LTBP1: variants seen among roughly 807,000 people sequenced by gnomAD.
LTBP1 encodes latent transforming growth factor beta binding protein 1, also known as latent-transforming growth factor beta-binding protein 1.
LTBP1 carries 129 observed loss-of-function variants against 207.6 expected under a neutral mutation model. The ratio of observed to expected loss-of-function variants is 0.62; its 90% CI spans 0.54 to 0.72. LTBP1 has a LOEUF of 0.72. Ranked by LOEUF, LTBP1 falls within the 30% of genes least tolerant of loss-of-function variation. The probability of loss-of-function intolerance (pLI) is 0.00; values close to 1 mark genes in which losing one functional copy is unlikely to be tolerated. For synonymous variants in LTBP1, 963 were observed against 833.7 expected (o/e 1.16, Z -2.67); for missense variants, 2,281 against 2,217.2 (o/e 1.03, Z -0.58).
chr2:33,393,745 T>C (rs1432672111), intron 32 of LTBP1, among the ~76,000 whole-genome samples: 2 of 152,218 alleles, frequency 1.3e-5, no homozygotes, highest in African/African-American at 2.4e-5. Context: ...AGTGCCACAG[T>C]AAGCATACAT....
At chr2:33,386,736 G>A (rs1465735799) in intron 31 of LTBP1, among the ~76,000 whole-genome samples, 2 of 152,030 alleles carry the variant, frequency 1.3e-5, no homozygotes, top group Non-Finnish European at 2.9e-5. Flanking sequence ...GAGGTGAAAG[G>A]ATCGCTTGAG....
chr2:33,394,429 G>A (rs1396101669), intron 32 of LTBP1, among the ~76,000 whole-genome samples: 2 of 152,054 alleles, frequency 1.3e-5, no homozygotes, highest in African/African-American at 4.8e-5. Flanking sequence ...ATGGTTTTAG[G>A]TCTAACATGT....
At chr2:33,227,179 A>C (rs887346314) in intron 9 of LTBP1, among the ~76,000 whole-genome samples, 1 of 151,964 alleles carries the variant, frequency 6.6e-6, no homozygotes, top group Non-Finnish European at 1.5e-5. Context: ...GAGTAGCACC[A>C]ACACACCTGA....
chr2:32,947,413 A>G lies in LTBP1; in HGVS notation c.89A>G (p.Tyr30Cys). Residue 30 changes from tyrosine to cysteine, a missense_variant, in exon 1 of 34, where the codon TAC becomes TGC. Physicochemically the swap from Tyr to Cys is radical, Grantham distance 194 (BLOSUM62 -2). Transcript: ENST00000404816. Reference sequence around the variant, plus strand: ...CACGGCCGGCTGCGGAGGATCACCTACGTGGTGCACCCGGGCCCCGGCCTG... The same window carrying G: ...CACGGCCGGCTGCGGAGGATCACCTGCGTGGTGCACCCGGGCCCCGGCCTG... The part of the protein sequence containing the change: ...SAHGRLRRIT[Y>C]VVHPGPGLAA... 2 of 1,433,818 alleles carry G rather than the reference A, an allele frequency of 1.4e-6. No homozygotes were observed. The highest frequency in any genetic ancestry group is 1.8e-6 in the Non-Finnish European group (2 of 1,095,328). The allele number at this position is 1,433,818 out of a possible 1,614,324, so 88.8% of individuals were successfully genotyped here.
chr2:33,342,087 T>C (rs569833095), intron 24 of LTBP1, among the ~76,000 whole-genome samples: 2 of 152,136 alleles, frequency 1.3e-5, no homozygotes, highest in African/African-American at 4.8e-5. Context: ...ACCGTAAGAA[T>C]AAAGAAGAAT....
At chr2:33,238,915 G>A (rs2092181203) in intron 9 of LTBP1, among the ~76,000 whole-genome samples, 1 of 152,106 alleles carries the variant, frequency 6.6e-6, no homozygotes, top group African/African-American at 2.4e-5. Flanking sequence ...TACTTAGGCT[G>A]TTTTATGTTG....
chr2:33,339,500 TTCC>T (rs1424888006), intron 24 of LTBP1, among the ~76,000 whole-genome samples: 3 of 152,188 alleles, frequency 2.0e-5, no homozygotes, highest in Non-Finnish European at 4.4e-5. Flanking sequence ...CGCGATGCAG[TTCC>T]TCCTCAAGTT....
At chr2:33,180,817 A>T (rs766599481) in intron 5 of LTBP1, among the ~76,000 whole-genome samples, 2 of 152,122 alleles carry the variant, frequency 1.3e-5, no homozygotes, top group Non-Finnish European at 2.9e-5. Context: ...ATTATATAAC[A>T]TATTTGTTAT....
intron 5 of LTBP1, among the ~76,000 whole-genome samples, chr2:33,143,627 T>A (rs2150822076): frequency 6.6e-6 from 1 of 152,326 alleles, no homozygotes; most frequent in Non-Finnish European, 1.5e-5. Context: ...TACTTTCTAC[T>A]CATGGGCAAA....
chr2:33,260,902 C>G (rs1291907458), intron 13 of LTBP1, among the ~76,000 whole-genome samples: 1 of 152,140 alleles, frequency 6.6e-6, no homozygotes, highest in Non-Finnish European at 1.5e-5. Flanking sequence ...AAAAAACCCC[C>G]AAAATTTTCT....
At chr2:33,080,093 C>G (rs1305353604) in intron 3 of LTBP1, among the ~76,000 whole-genome samples, 1 of 152,148 alleles carries the variant, frequency 6.6e-6, no homozygotes, top group Non-Finnish European at 1.5e-5. Flanking sequence ...GTGGTATGAT[C>G]TCGGCTCACT....
Position 33,000,460 on chromosome 2 carries a change from G to T in LTBP1, c.566-20449G>T, listed in dbSNP as rs965282441. Among the ~76,000 whole-genome samples, 3 of 134,990 alleles carry T rather than the reference G, an allele frequency of 2.2e-5. 1 individual carries two copies. Among genetic ancestry groups the T allele is most frequent in the East Asian group, 7.7e-4 (2 of 2,606 alleles). 88.6% of individuals were successfully genotyped at this position (134,990 alleles called of 152,430 possible). On this transcript the variant is annotated intron_variant, in intron 2 of 33. Transcript: ENST00000404816. Reference sequence around the variant, plus strand: ...GTTTTGGGTTAAATGGAGGTTGCCAGGTGGAGGTGGAAGTTGTTGGGGGAA... The same window carrying T: ...GTTTTGGGTTAAATGGAGGTTGCCATGTGGAGGTGGAAGTTGTTGGGGGAA...
At chr2:33,135,401 C>G (rs781585367) in intron 5 of LTBP1, among the ~76,000 whole-genome samples, 1 of 152,160 alleles carries the variant, frequency 6.6e-6, no homozygotes, top group Non-Finnish European at 1.5e-5. Context: ...TAGCCAAGCT[C>G]TAAAACAAAA....
intron 3 of LTBP1, among the ~76,000 whole-genome samples, chr2:33,024,211 T>C (rs2075306913): frequency 6.6e-6 from 1 of 152,212 alleles, no homozygotes; most frequent in South Asian, 2.1e-4. Context: ...GAGAGACAGT[T>C]GATAAATGAC....
chr2:33,201,074 C>G (rs934675644), intron 7 of LTBP1, among the ~76,000 whole-genome samples: 2 of 152,102 alleles, frequency 1.3e-5, no homozygotes, highest in Admixed American at 6.6e-5. Flanking sequence ...TGTGGCAATT[C>G]CTAAGGGATC....
chr2:33,302,934 G>A (rs79318988), intron 22 of LTBP1, among the ~76,000 whole-genome samples: 9,725 of 148,812 alleles, frequency 0.065, 562 homozygotes, highest in African/African-American at 0.15. Context: ...GCGTGGTGGC[G>A]CCCAGCTAAT....
At chr2:33,015,537 G>T (rs7607820) in intron 2 of LTBP1, among the ~76,000 whole-genome samples, 10,480 of 146,044 alleles carry the variant, frequency 0.072, 412 homozygotes, top group Middle Eastern at 0.1. Context: ...AACCTAGTTG[G>T]CAAATAGGAG....
chr2:33,104,298 T>C (rs1572652223), intron 3 of LTBP1, among the ~76,000 whole-genome samples: 1 of 152,340 alleles, frequency 6.6e-6, no homozygotes, highest in East Asian at 1.9e-4. Context: ...TTCAAGTCTT[T>C]AGATGGCCAG....
At chr2:32,990,125 C>T (rs1201273135) in intron 2 of LTBP1, among the ~76,000 whole-genome samples, 1 of 152,166 alleles carries the variant, frequency 6.6e-6, no homozygotes, top group Non-Finnish European at 1.5e-5. Context: ...ATAGCGGCAA[C>T]CAAGTGTAAG....
Sources: gnomAD v4.1 joint callset for allele counts (sites outside exome capture counted in the v4.1 genomes callset) on GRCh38, gnomAD v4.1.1 for gene constraint, MANE v1.5 for transcripts, NCBI Gene and HGNC (gene_info 2026-07-23, HGNC 2026-07-21) for gene names.